The following ADK variants were observed in gnomAD, a reference collection of about 807,000 sequenced individuals.
ADK encodes the protein N6,N6-dimethyladenosine kinase.
Under a neutral mutation model 44.7 loss-of-function variants are expected in ADK, and 24 were observed. The observed-to-expected ratio is 0.54, with a 90% CI of 0.39 to 0.76. The LOEUF is 0.76. Among genes scored for constraint, ADK ranks in the 30% least tolerant of loss-of-function variants. The pLI is 0.00. For synonymous variants in ADK, 128 were observed against 142.6 expected, an observed-to-expected ratio of 0.90 and a Z score of 0.73; for missense variants, 321 against 425.1, an observed-to-expected ratio of 0.76 and a Z score of 2.15.
At chr10:74,689,097 A>G (rs1855892423) in intron 10 of ADK, among the ~76,000 whole-genome samples, 1 of 151,836 alleles carries the variant, frequency 6.6e-6, no homozygotes, top group Non-Finnish European at 1.5e-5. Context: ...AAAATACAAA[A>G]AATTAGCTGG....
intron 9 of ADK, among the ~76,000 whole-genome samples, chr10:74,646,473 C>T (rs1303291586): frequency 6.6e-6 from 1 of 152,150 alleles, no homozygotes; most frequent in African/African-American, 2.4e-5. Flanking sequence ...GATTATTATG[C>T]TTAGGTCTTC....
intron 1 of ADK, among the ~76,000 whole-genome samples, chr10:74,185,320 T>C (rs1170918759): frequency 6.6e-6 from 1 of 152,128 alleles, no homozygotes; most frequent in Non-Finnish European, 1.5e-5. Context: ...GGGGAGGTTT[T>C]GAAATTTTCA....
intron 4 of ADK, among the ~76,000 whole-genome samples, chr10:74,334,768 G>T (rs186270275): frequency 6.6e-6 from 1 of 152,072 alleles, no homozygotes; most frequent in South Asian, 2.1e-4. Context: ...GGCTTCATAG[G>T]GGGAGGGCTG....
chr10:74,643,672 T>C (rs1398252098), intron 9 of ADK, among the ~76,000 whole-genome samples: 1 of 152,218 alleles, frequency 6.6e-6, no homozygotes, highest in African/African-American at 2.4e-5. Context: ...TGTTTATTTT[T>C]TATTGTGGGT....
chr10:74,256,591 C>A (rs1845832882), intron 3 of ADK, among the ~76,000 whole-genome samples: 1 of 152,038 alleles, frequency 6.6e-6, no homozygotes, highest in South Asian at 2.1e-4. Context: ...CATTTAATTA[C>A]CAGTGCAAGA....
chr10:74,398,612 A>G (rs765086792), intron 6 of ADK, 33 bp downstream of exon 6: 3 of 1,227,188 alleles, frequency 2.4e-6, no homozygotes, highest in Non-Finnish European at 3.6e-6. Flanking sequence ...TCTCTAGTAC[A>G]TATTTACATG....
intron 10 of ADK, among the ~76,000 whole-genome samples, chr10:74,699,506 G>A (rs1185546456): frequency 2.6e-5 from 4 of 152,006 alleles, no homozygotes; most frequent in Non-Finnish European, 4.4e-5. Flanking sequence ...GGTGAAACCC[G>A]TCTCTACTGA....
intron 9 of ADK, among the ~76,000 whole-genome samples, chr10:74,665,233 A>G (rs1165413504): frequency 6.6e-6 from 1 of 152,232 alleles, no homozygotes; most frequent in Non-Finnish European, 1.5e-5. Context: ...ATTTCTAAAT[A>G]GTTTTTTAAA....
At chr10:74,177,238 T>C (rs575590996) in intron 1 of ADK, among the ~76,000 whole-genome samples, 115 of 152,198 alleles carry the variant, frequency 7.6e-4, no homozygotes, top group African/African-American at 2.7e-3. Flanking sequence ...GCGTGCACAG[T>C]GTGTGTCATG....
intron 4 of ADK, among the ~76,000 whole-genome samples, chr10:74,349,012 T>G (rs1346258443): frequency 1.3e-5 from 2 of 152,030 alleles, no homozygotes; most frequent in Non-Finnish European, 2.9e-5. Flanking sequence ...CCAGGAGAAC[T>G]TCCCCAACCT....
intron 3 of ADK, among the ~76,000 whole-genome samples, chr10:74,271,848 A>T (rs865883815): frequency 4.6e-5 from 7 of 152,142 alleles, no homozygotes; most frequent in African/African-American, 1.4e-4. Flanking sequence ...ATTATTTGAT[A>T]TGACAAAGCT....
chr10:74,514,433 T>C (rs1334220111), intron 6 of ADK, among the ~76,000 whole-genome samples: 2 of 152,180 alleles, frequency 1.3e-5, no homozygotes, highest in African/African-American at 4.8e-5. Context: ...ATAAATCCTT[T>C]AGGCTTTTTC....
intron 3 of ADK, among the ~76,000 whole-genome samples, chr10:74,310,147 C>A (rs1254329328): frequency 6.6e-6 from 1 of 151,898 alleles, no homozygotes; most frequent in East Asian, 1.9e-4. Context: ...TATATGGCCA[C>A]CCCGTTCAGA....
intron 9 of ADK, among the ~76,000 whole-genome samples, chr10:74,648,892 A>T (rs569160557): frequency 1.3e-5 from 2 of 152,184 alleles, no homozygotes; most frequent in African/African-American, 4.8e-5. Context: ...TAAGAAAATA[A>T]GAAATAGGTC....
At chr10:74,163,669 TC>T (rs1429098502) in intron 1 of ADK, among the ~76,000 whole-genome samples, 5 of 152,230 alleles carry the variant, frequency 3.3e-5, no homozygotes, top group African/African-American at 1.2e-4. Context: ...TCTTAGGTTT[TC>T]TCAAATTCCT....
chr10:74,561,796 A>G (rs879370867), intron 7 of ADK, among the ~76,000 whole-genome samples: 21 of 152,214 alleles, frequency 1.4e-4, no homozygotes, highest in South Asian at 4.1e-4. Context: ...TCAAGAGGAA[A>G]GCAGGCTAGA....
chr10:74,301,546 C>T (rs1290144783), intron 3 of ADK, among the ~76,000 whole-genome samples: 1 of 142,350 alleles, frequency 7.0e-6, no homozygotes, highest in Non-Finnish European at 1.5e-5. Flanking sequence ...TAACTTTAAA[C>T]ACCAATTAAA....
intron 8 of ADK, among the ~76,000 whole-genome samples, chr10:74,596,691 G>C (rs765406845): frequency 6.6e-6 from 1 of 152,042 alleles, no homozygotes; most frequent in African/African-American, 2.4e-5. Context: ...GACTATAGGC[G>C]CATGCCACCA....
At chr10:74,254,700 G>A (rs973178947) in intron 3 of ADK, among the ~76,000 whole-genome samples, 5 of 151,916 alleles carry the variant, frequency 3.3e-5, no homozygotes, top group Non-Finnish European at 5.9e-5. Flanking sequence ...TTACAAGTTT[G>A]GAGCAAAGAG....
Sources: allele counts gnomAD v4.1 joint callset (sites outside exome capture counted in the v4.1 genomes callset), GRCh38; gene constraint gnomAD v4.1.1; transcripts MANE v1.5; gene names NCBI Gene and HGNC (gene_info 2026-07-23, HGNC 2026-07-21).